Variants in UBLCP1 observed in about 807,000 individuals in gnomAD.
The protein encoded by UBLCP1 is ubiquitin like domain containing CTD phosphatase 1, also known as ubiquitin-like domain-containing CTD phosphatase 1.
Under a neutral mutation model 42.4 loss-of-function variants are expected in UBLCP1, and 28 were observed. That is an observed-to-expected ratio of 0.66 (90% CI 0.49 to 0.90). UBLCP1 has a LOEUF of 0.90. UBLCP1 is among the 40% of genes least tolerant of loss of function. The pLI, the probability that UBLCP1 is intolerant of heterozygous loss-of-function variation, is 0.00. For missense variants in UBLCP1, 279 were observed against 374.5 expected (o/e 0.75, Z 2.10); for synonymous variants, 122 against 120.8 (o/e 1.01, Z -0.07).
chr5:159,268,467 G>C (rs1255339104), intron 1 of UBLCP1, among the ~76,000 whole-genome samples: 1 of 152,196 alleles, frequency 6.6e-6, no homozygotes, highest in East Asian at 1.9e-4. Flanking sequence ...TCTGGGATCT[G>C]AACCCAGGTC....
At chr5:159,270,094 C>A in intron 3 of UBLCP1, 95 bp downstream of exon 3, 1 of 1,114,354 alleles carries the variant, frequency 9.0e-7, no homozygotes, top group African/African-American at 1.6e-5. Context: ...GTAAAATTGT[C>A]AGTCTAGCAA....
In UBLCP1 at chr5:159,285,619, CAG is replaced by C. The variant is rs550516897; in HGVS notation, c.*690_*691del. On this transcript the variant is annotated 3_prime_UTR_variant, in exon 11 of 11. Coordinates refer to ENST00000296786, the MANE Select transcript of UBLCP1 (RefSeq NM_145049.5). ...CACAGCTGTGTCTTAGTATGAGAAA[CAG>C]AAGACTGAAGAATAAAAACTAAGGA... 97 of 152,344 alleles carry C rather than the reference CAG, an allele frequency of 6.4e-4. No individual in the cohort carries two copies. Among genetic ancestry groups the C allele is most frequent in the African/African-American group, 2.3e-3 (95 of 41,538 alleles). The allele number at this position is 152,344 out of a possible 1,614,324, so 9.4% of individuals were successfully genotyped here.
intron 1 of UBLCP1, among the ~76,000 whole-genome samples, chr5:159,264,840 T>C (rs968917308): frequency 2.6e-5 from 4 of 152,212 alleles, no homozygotes; most frequent in Non-Finnish European, 5.9e-5. Flanking sequence ...CAATCACTTG[T>C]CCAGGGTCAC....
In UBLCP1 at chr5:159,285,481, A is replaced by G. The variant is rs1314571107; in HGVS notation, c.*550A>G. On this transcript the variant is annotated 3_prime_UTR_variant, in exon 11 of 11. Transcript: ENST00000296786. The stretch of plus-strand genomic sequence containing the variant: ...CAAGAATTTTTTATTTCTTTGTCAT[A>G]GACACAATTTCTCTTCTGTATGCCA... The G allele has an allele frequency of 6.5e-6, 1 of 153,270 alleles. No individual in the cohort carries two copies. Among genetic ancestry groups the G allele is most frequent in the Non-Finnish European group, 1.5e-5 (1 of 68,842 alleles). The allele number at this position is 153,270 out of a possible 1,614,324, so 9.5% of individuals were successfully genotyped here.
chr5:159,275,348 G>A, intron 8 of UBLCP1, 102 bp downstream of exon 8: 1 of 664,350 alleles, frequency 1.5e-6, no homozygotes, highest in South Asian at 1.9e-5. Flanking sequence ...ATTCATCTGA[G>A]TGAATAATAA....
Position 159,284,985 on chromosome 5 carries a change from C to T in UBLCP1, c.*54C>T. ...ATACTTAAGATCCAAGAACTTCTTG[C>T]TTTTATGCTAGAAATCATTATGATA... On this transcript the variant is annotated 3_prime_UTR_variant, in exon 11 of 11. Transcript: ENST00000296786. 1 of 1,549,740 alleles carries T rather than the reference C, an allele frequency of 6.5e-7. No individual in the cohort carries two copies. Among genetic ancestry groups the T allele is most frequent in the Non-Finnish European group, 8.9e-7 (1 of 1,122,468 alleles).
chr5:159,274,436 T>G, intron 6 of UBLCP1, 149 bp from the exon 7 acceptor site: 1 of 559,538 alleles, frequency 1.8e-6, no homozygotes, highest in Non-Finnish European at 3.1e-6. Context: ...TATCAATATT[T>G]AAAAGAAAAT....
chr5:159,275,494 T>C (rs1169176127), intron 8 of UBLCP1, among the ~76,000 whole-genome samples: 4 of 131,350 alleles, frequency 3.0e-5, no homozygotes, highest in Admixed American at 1.9e-4. Flanking sequence ...TCACGCAAGC[T>C]CCGCCTCCCA....
In UBLCP1 at chr5:159,278,823, GACCTCCC is replaced by G. The variant is rs545816846; in HGVS notation, c.801+472_801+478del. On this transcript the variant is annotated intron_variant, in intron 9 of 10. Coordinates refer to ENST00000296786, the MANE Select transcript of UBLCP1 (RefSeq NM_145049.5). ...CCTGTCCTCGTGATCTGCCCACCTC[GACCTCCC>G]ACAAGTGCTGGGATTACAGGCATGA... 5.1e-3 allele frequency among the ~76,000 whole-genome samples: 775 copies of G among 152,052 alleles called. 2 individuals are homozygous for G. Among genetic ancestry groups the G allele is most frequent in the Non-Finnish European group, 8.2e-3 (556 of 67,956 alleles).
intron 6 of UBLCP1, 92 bp from the exon 7 acceptor site, chr5:159,274,493 T>A: frequency 9.3e-7 from 1 of 1,078,972 alleles, no homozygotes; most frequent in Non-Finnish European, 1.4e-6. Context: ...ATTTAAACTT[T>A]TAGTTTTGCT....
intron 10 of UBLCP1, 35 bp downstream of exon 10, chr5:159,283,374 A>G (rs1285433748): frequency 2.7e-6 from 4 of 1,499,626 alleles, no homozygotes; most frequent in South Asian, 1.3e-5. Flanking sequence ...TTCTCTTTAC[A>G]TCAATGAAGA....
chr5:159,274,269 A>G (rs1412300416), intron 6 of UBLCP1: 1 of 210,284 alleles, frequency 4.8e-6, no homozygotes. Context: ...TTTGGAATTG[A>G]TAGAGTGTCA....
At chr5:159,271,539 T>A (rs1753467624) in intron 5 of UBLCP1, among the ~76,000 whole-genome samples, 1 of 152,222 alleles carries the variant, frequency 6.6e-6, no homozygotes, top group Non-Finnish European at 1.5e-5. Context: ...CAAGAAATAG[T>A]TAACTTCTGA....
chr5:159,270,594 C>T lies in UBLCP1; in HGVS notation c.399C>T (p.Pro133=). 1 of 1,609,964 alleles carries T rather than the reference C, an allele frequency of 6.2e-7. No homozygotes were observed. Among genetic ancestry groups the T allele is most frequent in the Non-Finnish European group, 8.5e-7 (1 of 1,178,842 alleles). ...KEYKVEILNP[P]REGKKLLVLD... ...ACAAAGTGGAAATTTTGAATCCTCC[C>T]AGGGAAGGGAAAAAGCTTTTGGTGC... Residue 133 remains proline, a synonymous_variant, in exon 5 of 11, where the codon CCC becomes CCT. Coordinates refer to ENST00000296786, the MANE Select transcript of UBLCP1 (RefSeq NM_145049.5).
chr5:159,263,530 G>T (rs955271847), intron 1 of UBLCP1, among the ~76,000 whole-genome samples, 170 bp downstream of exon 1: 2 of 152,250 alleles, frequency 1.3e-5, no homozygotes, highest in Non-Finnish European at 2.9e-5. Flanking sequence ...AGTCGCGGGG[G>T]CCGCTGTCCT....
intron 10 of UBLCP1, among the ~76,000 whole-genome samples, chr5:159,283,865 A>G (rs1238552008): frequency 6.6e-6 from 1 of 152,130 alleles, no homozygotes; most frequent in Non-Finnish European, 1.5e-5. Flanking sequence ...ATAGTCTTTC[A>G]GTCTTTTATC....
intron 9 of UBLCP1, among the ~76,000 whole-genome samples, chr5:159,281,602 G>GTGGA (rs1753607333): frequency 1.3e-5 from 2 of 152,202 alleles, no homozygotes; most frequent in Admixed American, 6.5e-5. Flanking sequence ...AGCTAACAGT[G>GTGGA]TGGAGGTCAC....
intron 1 of UBLCP1, among the ~76,000 whole-genome samples, chr5:159,268,401 A>G (rs1018697898): frequency 3.3e-5 from 5 of 152,200 alleles, no homozygotes; most frequent in Admixed American, 3.3e-4. Context: ...AGATGAGGAA[A>G]CCTAGACACT....
chr5:159,263,780 C>T (rs1342757936), intron 1 of UBLCP1, among the ~76,000 whole-genome samples: 1 of 152,196 alleles, frequency 6.6e-6, no homozygotes, highest in Non-Finnish European at 1.5e-5. Flanking sequence ...GCGGTTCTCG[C>T]CGGAGTTCTT....
Sources: allele counts gnomAD v4.1 joint callset (sites outside exome capture counted in the v4.1 genomes callset), GRCh38; gene constraint gnomAD v4.1.1; transcripts MANE v1.5; gene names NCBI Gene and HGNC (gene_info 2026-07-23, HGNC 2026-07-21).